Variants in KCNB2 observed in about 807,000 individuals in gnomAD.
KCNB2 encodes delayed rectifier potassium channel protein.
In KCNB2, 15 loss-of-function variants were observed where a neutral mutation model predicts 61.5. The ratio of observed to expected loss-of-function variants is 0.24; its 90% CI spans 0.16 to 0.38. The LOEUF (loss-of-function observed/expected upper bound fraction) is 0.38, where lower values mean the gene tolerates loss of function less well. Ranked by LOEUF, KCNB2 falls within the 10% of genes least tolerant of loss-of-function variation. The pLI, the probability that KCNB2 is intolerant of heterozygous loss-of-function variation, is 1.00. For missense variants in KCNB2, 828 were observed against 1,125.2 expected (o/e 0.74, Z 3.78); for synonymous variants, 457 against 446.0 (o/e 1.02, Z -0.31).
chr8:72,798,368 G>A (rs761635744), intron 2 of KCNB2, among the ~76,000 whole-genome samples: 9 of 152,118 alleles, frequency 5.9e-5, no homozygotes, highest in Non-Finnish European at 1.2e-4. Flanking sequence ...CCTACTGGAA[G>A]GTGAGCTTTT....
intron 2 of KCNB2, among the ~76,000 whole-genome samples, chr8:72,648,585 T>C (rs967365353): frequency 6.6e-6 from 1 of 151,552 alleles, no homozygotes; most frequent in East Asian, 1.9e-4. Context: ...TTTTTTTTTT[T>C]CAGAATATAA....
intron 2 of KCNB2, among the ~76,000 whole-genome samples, chr8:72,698,588 A>C (rs952533184): frequency 1.3e-5 from 2 of 152,092 alleles, no homozygotes; most frequent in African/African-American, 2.4e-5. Context: ...AAATCCAGAG[A>C]TATCACATTA....
intron 2 of KCNB2, among the ~76,000 whole-genome samples, chr8:72,867,993 G>A (rs1179736949): frequency 6.6e-6 from 1 of 151,726 alleles, no homozygotes; most frequent in Non-Finnish European, 1.5e-5. Flanking sequence ...GGTAAACATG[G>A]CAGATACTCA....
chr8:72,810,426 G>A (rs576396588), intron 2 of KCNB2, among the ~76,000 whole-genome samples: 2 of 152,248 alleles, frequency 1.3e-5, no homozygotes, highest in Non-Finnish European at 2.9e-5. Flanking sequence ...CTCTGCTGTG[G>A]TGGAGGCTTT....
chr8:72,732,721 A>G (rs1807767889), intron 2 of KCNB2, among the ~76,000 whole-genome samples: 1 of 152,212 alleles, frequency 6.6e-6, no homozygotes, highest in South Asian at 2.1e-4. Context: ...TTTTTCAACC[A>G]TGCTTGAGAT....
intron 2 of KCNB2, among the ~76,000 whole-genome samples, chr8:72,690,124 C>T (rs1352735240): frequency 6.6e-6 from 1 of 151,764 alleles, no homozygotes; most frequent in Non-Finnish European, 1.5e-5. Context: ...TTTCTGAAGC[C>T]AATCTGCCAT....
chr8:72,843,009 TTC>T (rs924333827), intron 2 of KCNB2, among the ~76,000 whole-genome samples: 1 of 152,216 alleles, frequency 6.6e-6, no homozygotes, highest in African/African-American at 2.4e-5. Context: ...GCTTCTCTAG[TTC>T]TTTTAATTGT....
chr8:72,765,465 G>A (rs1284755390), intron 2 of KCNB2, among the ~76,000 whole-genome samples: 1 of 152,176 alleles, frequency 6.6e-6, no homozygotes, highest in African/African-American at 2.4e-5. Context: ...CCAAACCACA[G>A]TGAGTGTAGT....
At chr8:72,595,429 G>A (rs771647189) in intron 2 of KCNB2, among the ~76,000 whole-genome samples, 2 of 150,812 alleles carry the variant, frequency 1.3e-5, no homozygotes, top group African/African-American at 2.4e-5. Context: ...AGGTTTAAGC[G>A]ATTCTTCTGC....
chr8:72,629,899 T>G lies in KCNB2; in HGVS notation c.579+61586T>G, dbSNP rs1197357474. Among the ~76,000 whole-genome samples the G allele has an allele frequency of 2.0e-5, 3 of 152,172 alleles. No individual in the cohort carries two copies. In the East Asian group the frequency reaches 5.8e-4, roughly 29 times the overall value. On this transcript the variant is annotated intron_variant, in intron 2 of 2. Coordinates refer to ENST00000523207, the MANE Select transcript of KCNB2 (RefSeq NM_004770.3). ...AGCCTAGAGAGATGAAGTCACATTT[T>G]TCAATGTTGCACAGCTAGTTAGAGC... is the stretch of plus-strand genomic sequence containing the variant.
At chr8:72,882,815 C>A (rs1302533933) in intron 2 of KCNB2, among the ~76,000 whole-genome samples, 1 of 152,114 alleles carries the variant, frequency 6.6e-6, no homozygotes, top group Non-Finnish European at 1.5e-5. Flanking sequence ...AAGATATGTT[C>A]AAATTACTTG....
At chr8:72,712,568 A>G (rs1563567418) in intron 2 of KCNB2, among the ~76,000 whole-genome samples, 1 of 152,228 alleles carries the variant, frequency 6.6e-6, no homozygotes, top group African/African-American at 2.4e-5. Flanking sequence ...CAGTGGTCCA[A>G]GCTTTACATG....
At chr8:72,846,306 C>A (rs1809992907) in intron 2 of KCNB2, among the ~76,000 whole-genome samples, 1 of 152,132 alleles carries the variant, frequency 6.6e-6, no homozygotes, top group Admixed American at 6.5e-5. Flanking sequence ...ATGAGATGAA[C>A]TGGGTAAGAA....
intron 2 of KCNB2, among the ~76,000 whole-genome samples, chr8:72,899,033 A>G (rs1268176957): frequency 6.6e-6 from 1 of 152,116 alleles, no homozygotes; most frequent in Non-Finnish European, 1.5e-5. Flanking sequence ...TCCTTATCCA[A>G]TCCACCATTG....
chr8:72,704,894 A>G (rs1232925385), intron 2 of KCNB2, among the ~76,000 whole-genome samples: 4 of 152,208 alleles, frequency 2.6e-5, no homozygotes, highest in Non-Finnish European at 5.9e-5. Flanking sequence ...TAGATTCCTT[A>G]TAATACCTAA....
At chr8:72,771,143 T>C (rs1201091872) in intron 2 of KCNB2, among the ~76,000 whole-genome samples, 1 of 152,190 alleles carries the variant, frequency 6.6e-6, no homozygotes, top group African/African-American at 2.4e-5. Flanking sequence ...CAGATATGGA[T>C]GTAATCTGTA....
At chr8:72,753,081 C>T (rs1403377634) in intron 2 of KCNB2, among the ~76,000 whole-genome samples, 1 of 152,176 alleles carries the variant, frequency 6.6e-6, no homozygotes, top group Non-Finnish European at 1.5e-5. Context: ...AGGAAATATG[C>T]ATTCTTCTTA....
chr8:72,740,599 G>A (rs528572836), intron 2 of KCNB2, among the ~76,000 whole-genome samples: 1 of 152,280 alleles, frequency 6.6e-6, no homozygotes, highest in South Asian at 2.1e-4. Context: ...CCAAAAGGAA[G>A]GGGCAGAGCA....
intron 2 of KCNB2, among the ~76,000 whole-genome samples, chr8:72,868,775 G>A (rs1166664778): frequency 6.6e-6 from 1 of 152,074 alleles, no homozygotes; most frequent in African/African-American, 2.4e-5. Context: ...CATAAAAGTA[G>A]AAATACTCAA....
Sources: gnomAD v4.1 joint callset for allele counts (sites outside exome capture counted in the v4.1 genomes callset) on GRCh38, gnomAD v4.1.1 for gene constraint, MANE v1.5 for transcripts, NCBI Gene and HGNC (gene_info 2026-07-23, HGNC 2026-07-21) for gene names.